The following ARMH3 variants were observed in gnomAD, a reference collection of about 807,000 sequenced individuals.
The protein encoded by ARMH3 is armadillo like helical domain containing 3.
ARMH3 carries 60 observed loss-of-function variants against 99.1 expected under a neutral mutation model. The ratio of observed to expected loss-of-function variants is 0.61; its 90% CI spans 0.49 to 0.75. The LOEUF (loss-of-function observed/expected upper bound fraction) is 0.75. Among genes scored for constraint, ARMH3 ranks in the 30% least tolerant of loss-of-function variants. The pLI is 0.00. For missense variants in ARMH3, 679 were observed against 843.1 expected (o/e 0.81, Z 2.41); for synonymous variants, 285 against 292.8 (o/e 0.97, Z 0.27).
At chr10:101,954,122 G>A (rs549491839) in intron 22 of ARMH3, among the ~76,000 whole-genome samples, 1 of 152,196 alleles carries the variant, frequency 6.6e-6, no homozygotes, top group East Asian at 1.9e-4. Flanking sequence ...AGCTCAGGAG[G>A]TAAAAGCTCC....
intron 1 of ARMH3, among the ~76,000 whole-genome samples, chr10:102,047,758 G>A (rs1486432677): frequency 2.6e-5 from 4 of 152,132 alleles, no homozygotes; most frequent in Non-Finnish European, 5.9e-5. Flanking sequence ...AAAGTGCTGG[G>A]ATTACAGGCA....
At chr10:102,043,210 T>C (rs759423228) in intron 1 of ARMH3, among the ~76,000 whole-genome samples, 1 of 152,134 alleles carries the variant, frequency 6.6e-6, no homozygotes, top group Non-Finnish European at 1.5e-5. Context: ...AGAACCACCA[T>C]CAGCTGAGAA....
chr10:101,980,554 C>T (rs183605056), intron 19 of ARMH3, among the ~76,000 whole-genome samples: 1 of 152,278 alleles, frequency 6.6e-6, no homozygotes, highest in East Asian at 1.9e-4. Flanking sequence ...CCACCTCAGC[C>T]TCCCAAAGTG....
chr10:101,948,136 A>G (rs745691286), intron 22 of ARMH3, among the ~76,000 whole-genome samples: 20 of 152,226 alleles, frequency 1.3e-4, no homozygotes, highest in Non-Finnish European at 2.4e-4. Context: ...TAATATGCCA[A>G]ATAAGATACA....
chr10:101,955,015 C>T (rs756821542), intron 22 of ARMH3, among the ~76,000 whole-genome samples: 2 of 152,146 alleles, frequency 1.3e-5, no homozygotes, highest in Non-Finnish European at 2.9e-5. Flanking sequence ...TATTCATCTA[C>T]CAATGAGTGC....
chr10:101,886,844 T>C (rs989064343), intron 24 of ARMH3, among the ~76,000 whole-genome samples: 4 of 152,196 alleles, frequency 2.6e-5, no homozygotes, highest in African/African-American at 9.6e-5. Context: ...GCTAACTTAC[T>C]AAATGTAACA....
intron 23 of ARMH3, among the ~76,000 whole-genome samples, chr10:101,924,050 C>G (rs1367425704): frequency 6.6e-6 from 1 of 152,092 alleles, no homozygotes; most frequent in East Asian, 1.9e-4. Flanking sequence ...AGGAATAGAT[C>G]AAAGCATCTG....
At chr10:101,883,865 C>T (rs1286960667) in intron 24 of ARMH3, among the ~76,000 whole-genome samples, 4 of 151,908 alleles carry the variant, frequency 2.6e-5, no homozygotes, top group Admixed American at 6.6e-5. Context: ...TGGTGGCATG[C>T]ACTTGTGGTC....
At chr10:101,908,445 C>T (rs1842725748) in intron 23 of ARMH3, among the ~76,000 whole-genome samples, 1 of 152,170 alleles carries the variant, frequency 6.6e-6, no homozygotes, top group Non-Finnish European at 1.5e-5. Context: ...CTGTGGCTGT[C>T]CTGGGCACTG....
chr10:101,998,391 G>GC (rs1847156574), intron 15 of ARMH3, among the ~76,000 whole-genome samples: 1 of 152,208 alleles, frequency 6.6e-6, no homozygotes, highest in African/African-American at 2.4e-5. Flanking sequence ...TATCTCTGCA[G>GC]CTCCCAATGG....
intron 20 of ARMH3, among the ~76,000 whole-genome samples, chr10:101,969,732 T>G (rs1845688235): frequency 6.6e-6 from 1 of 152,200 alleles, no homozygotes; most frequent in Admixed American, 6.5e-5. Flanking sequence ...TTCTGGGGGC[T>G]TAGGGGGCCT....
chr10:101,890,841 CAG>C (rs915730277), intron 23 of ARMH3, among the ~76,000 whole-genome samples: 6 of 151,340 alleles, frequency 4.0e-5, no homozygotes, highest in African/African-American at 7.3e-5. Flanking sequence ...AAATATCAGA[CAG>C]GGGACATTCT....
At chr10:102,028,370 A>G (rs993538021) in intron 5 of ARMH3, among the ~76,000 whole-genome samples, 3 of 152,136 alleles carry the variant, frequency 2.0e-5, no homozygotes, top group African/African-American at 7.2e-5. Flanking sequence ...TCAACATAGC[A>G]AGACCTCATC....
intron 2 of ARMH3, among the ~76,000 whole-genome samples, chr10:102,034,522 G>A (rs1196482937): frequency 6.6e-6 from 1 of 151,862 alleles, no homozygotes; most frequent in Non-Finnish European, 1.5e-5. Context: ...TGTAGTCCCA[G>A]CTACTAGGGA....
chr10:101,991,526 G>A (rs540658245), intron 18 of ARMH3, among the ~76,000 whole-genome samples: 2 of 152,178 alleles, frequency 1.3e-5, no homozygotes, highest in South Asian at 2.1e-4. Flanking sequence ...GATTACAGGC[G>A]CACGCCAACA....
chr10:101,995,812 T>C (rs1039777640), intron 15 of ARMH3, among the ~76,000 whole-genome samples: 1 of 152,192 alleles, frequency 6.6e-6, no homozygotes, highest in African/African-American at 2.4e-5. Flanking sequence ...AAAAAGAAAT[T>C]AACTGGAGAC....
intron 5 of ARMH3, among the ~76,000 whole-genome samples, chr10:102,028,940 T>C (rs1488973154): frequency 6.6e-6 from 1 of 152,166 alleles, no homozygotes; most frequent in Non-Finnish European, 1.5e-5. Flanking sequence ...GGCATGATCT[T>C]GGCTCACTGC....
At chr10:101,928,123 G>C (rs1320813660) in intron 23 of ARMH3, among the ~76,000 whole-genome samples, 1 of 152,090 alleles carries the variant, frequency 6.6e-6, no homozygotes, top group Admixed American at 6.6e-5. Flanking sequence ...CCAACAAAAA[G>C]GAATGTTTAA....
chr10:101,888,243 C>A (rs995873602), intron 24 of ARMH3, among the ~76,000 whole-genome samples: 1 of 152,098 alleles, frequency 6.6e-6, no homozygotes, highest in African/African-American at 2.4e-5. Flanking sequence ...AAGCACCTCA[C>A]AGACAGCACA....
Sources: gnomAD v4.1 joint callset for allele counts (sites outside exome capture counted in the v4.1 genomes callset) on GRCh38, gnomAD v4.1.1 for gene constraint, MANE v1.5 for transcripts, NCBI Gene and HGNC (gene_info 2026-07-23, HGNC 2026-07-21) for gene names.